The following RABGAP1 variants were observed in gnomAD, a reference collection of about 807,000 sequenced individuals.
The protein encoded by RABGAP1 is RAB GTPase activating protein 1.
Under a neutral mutation model 137.6 loss-of-function variants are expected in RABGAP1, and 23 were observed. That is an observed-to-expected ratio of 0.17 (90% CI 0.12 to 0.24). RABGAP1 has a LOEUF of 0.24. RABGAP1 is among the 10% of genes least tolerant of loss of function. RABGAP1 has a pLI of 1.00. For missense variants in RABGAP1, 906 were observed against 1,275.8 expected (o/e 0.71, Z 4.42); for synonymous variants, 451 against 450.7 (o/e 1.00, Z -0.01).
intron 1 of RABGAP1, among the ~76,000 whole-genome samples, chr9:122,949,789 C>T (rs1254191990): frequency 1.3e-5 from 2 of 151,094 alleles, no homozygotes; most frequent in African/African-American, 4.9e-5. Flanking sequence ...AAACAAAAAG[C>T]CTGAGGAGCC....
At chr9:122,938,345 T>C (rs1371784419), upstream of RABGAP1, 2 of 152,234 alleles carry the variant, frequency 1.3e-5, no homozygotes, top group Non-Finnish European at 2.9e-5. Flanking sequence ...AGTTTCCTTA[T>C]TTTAGCATTC....
At chr9:123,080,386 A>G (rs1480706968) in intron 19 of RABGAP1, among the ~76,000 whole-genome samples, 2 of 152,236 alleles carry the variant, frequency 1.3e-5, no homozygotes, top group African/African-American at 2.4e-5. Flanking sequence ...AAATCGGCTC[A>G]TAGCCTGAAA....
intron 13 of RABGAP1, among the ~76,000 whole-genome samples, chr9:123,057,470 A>G (rs1328455029): frequency 1.4e-5 from 2 of 146,840 alleles, no homozygotes; most frequent in Admixed American, 6.7e-5. Flanking sequence ...CCGGGCAGAG[A>G]TGCTCCTCAC....
intron 10 of RABGAP1, among the ~76,000 whole-genome samples, chr9:123,005,687 A>G (rs755758735): frequency 7.9e-5 from 12 of 152,202 alleles, no homozygotes; most frequent in Non-Finnish European, 1.3e-4. Context: ...ACTGGTTTCC[A>G]GTCGTTTGCT....
At chr9:123,065,607 A>G in intron 14 of RABGAP1, 146 bp downstream of exon 14, 1 of 672,386 alleles carries the variant, frequency 1.5e-6, no homozygotes, top group Non-Finnish European at 2.6e-6. Context: ...CAAAGGTGAG[A>G]ACACAATTTT....
intron 13 of RABGAP1, among the ~76,000 whole-genome samples, chr9:123,028,314 TAAATA>T (rs1051105661): frequency 5.3e-5 from 8 of 152,194 alleles, no homozygotes; most frequent in South Asian, 2.1e-4. Flanking sequence ...GATATGCCCA[TAAATA>T]AAATAAACTT....
chr9:122,959,983 A>G (rs1452010513), intron 2 of RABGAP1, among the ~76,000 whole-genome samples: 1 of 152,238 alleles, frequency 6.6e-6, no homozygotes, highest in Non-Finnish European at 1.5e-5. Context: ...ACCTTCAGAG[A>G]AAAGTTGGCC....
At chr9:123,043,849 T>G (rs2033073504) in intron 13 of RABGAP1, among the ~76,000 whole-genome samples, 1 of 152,124 alleles carries the variant, frequency 6.6e-6, no homozygotes, top group Admixed American at 6.6e-5. Context: ...GGGAATTTCA[T>G]TGTAAGCTTT....
intron 13 of RABGAP1, among the ~76,000 whole-genome samples, chr9:123,060,767 T>G (rs1751734341): frequency 6.6e-6 from 1 of 152,218 alleles, no homozygotes; most frequent in African/African-American, 2.4e-5. Context: ...ACCACTACAA[T>G]TACAGGGTTT....
chr9:122,938,055 A>G (rs761196732), upstream of RABGAP1: 2 of 152,204 alleles, frequency 1.3e-5, no homozygotes, highest in Non-Finnish European at 2.9e-5. Context: ...AAATTTACAT[A>G]GAGGGGTTCA....
intron 2 of RABGAP1, among the ~76,000 whole-genome samples, chr9:122,980,141 G>A (rs1204802594): frequency 6.6e-6 from 1 of 152,228 alleles, no homozygotes; most frequent in African/African-American, 2.4e-5. Context: ...ATGCTACAAA[G>A]TCAGAGTTGA....
chr9:123,009,151 G>C (rs2030576590), intron 10 of RABGAP1, among the ~76,000 whole-genome samples: 1 of 152,146 alleles, frequency 6.6e-6, no homozygotes, highest in African/African-American at 2.4e-5. Flanking sequence ...CTCATTTATT[G>C]CCTGGCTGCT....
intron 9 of RABGAP1, among the ~76,000 whole-genome samples, chr9:122,998,092 TTTTATTTA>T (rs1289173275): frequency 1.3e-5 from 2 of 151,778 alleles, no homozygotes. Context: ...ATTTTTTTTA[TTTTATTTA>T]TTTATTTATT....
chr9:123,055,104 A>T (rs1292255102), intron 13 of RABGAP1, among the ~76,000 whole-genome samples: 1 of 151,968 alleles, frequency 6.6e-6, no homozygotes, highest in East Asian at 1.9e-4. Flanking sequence ...ATTATTTGGG[A>T]TTCTTCTGCA....
Position 123,071,384 on chromosome 9 carries a change from T to C in RABGAP1, c.1983+960T>C, listed in dbSNP as rs1187984942. The C allele has an allele frequency of 3.3e-5, 5 of 152,252 alleles. 1 individual carries two copies. The highest frequency in any genetic ancestry group is 5.9e-5 in the Non-Finnish European group (4 of 68,040). 9.4% of individuals were successfully genotyped at this position (152,252 alleles called of 1,614,324 possible). A position where few individuals can be genotyped will look rare whatever the true frequency, so the allele number is the denominator to read the frequency against. ...TGTCATATAAAATGTCCCACAGTCT[T>C]GATTTGTCTCATTTTCTCATGATTC... On this transcript the variant is annotated intron_variant, in intron 15 of 25. Transcript: ENST00000373647.
chr9:122,977,406 TAA>T (rs1835818211), intron 2 of RABGAP1, among the ~76,000 whole-genome samples: 1 of 152,054 alleles, frequency 6.6e-6, no homozygotes, highest in African/African-American at 2.4e-5. Context: ...ACTCATTGAT[TAA>T]AAAAGGATGC....
chr9:123,002,380 C>A (rs1837369672), intron 10 of RABGAP1, among the ~76,000 whole-genome samples: 1 of 139,502 alleles, frequency 7.2e-6, no homozygotes, highest in African/African-American at 2.5e-5. Context: ...TTTTTTTTTA[C>A]TTACTGGCCT....
chr9:123,034,232 T>A, intron 13 of RABGAP1: 1 of 341,716 alleles, frequency 2.9e-6, no homozygotes, highest in Non-Finnish European at 5.3e-6. Flanking sequence ...CCTTCTCTTC[T>A]ACCCTTTCCC....
chr9:122,945,162 T>TTTTTTTTTTTTTTTTTTTTTTA (rs1833881180), intron 1 of RABGAP1, among the ~76,000 whole-genome samples: 1 of 147,972 alleles, frequency 6.8e-6, no homozygotes, highest in Non-Finnish European at 1.5e-5. Context: ...TTTTTTTTTT[T>TTTTTTTTTTTTTTTTTTTTTTA]TAGCATAAAC....
Sources: allele counts gnomAD v4.1 joint callset (sites outside exome capture counted in the v4.1 genomes callset), GRCh38; gene constraint gnomAD v4.1.1; transcripts MANE v1.5; gene names NCBI Gene and HGNC (gene_info 2026-07-23, HGNC 2026-07-21).